PTPRD: variants seen among roughly 807,000 people sequenced by gnomAD.
PTPRD encodes protein tyrosine phosphatase receptor type D.
A neutral mutation model predicts 214.5 loss-of-function variants in PTPRD; 34 were observed. The ratio of observed to expected loss-of-function variants is 0.16; its 90% confidence interval spans 0.12 to 0.21. The LOEUF (loss-of-function observed/expected upper bound fraction) is 0.21. PTPRD is among the 10% of genes least tolerant of loss of function. The pLI, the probability that PTPRD is intolerant of heterozygous loss-of-function variation, is 1.00. For missense variants in PTPRD, 2,545 were observed against 2,398.7 expected (o/e 1.06, Z -1.27); for synonymous variants, 1,128 against 845.7 (o/e 1.33, Z -5.79).
chr9:8,969,006 C>T (rs765140765), intron 11 of PTPRD, among the ~76,000 whole-genome samples: 16 of 151,664 alleles, frequency 1.1e-4, no homozygotes, highest in South Asian at 2.1e-4. Context: ...TAAGCAAGTC[C>T]GATTAATTAA....
chr9:10,509,344 T>C (rs1258686180), intron 2 of PTPRD, among the ~76,000 whole-genome samples: 2 of 151,648 alleles, frequency 1.3e-5, no homozygotes. Context: ...TCATATTTGA[T>C]TCATAGATAT....
At chr9:8,604,702 G>A (rs1488861342) in intron 14 of PTPRD, among the ~76,000 whole-genome samples, 1 of 152,150 alleles carries the variant, frequency 6.6e-6, no homozygotes, top group Non-Finnish European at 1.5e-5. Flanking sequence ...CATTTCTGAA[G>A]TAATCAATTA....
At chr9:10,153,262 G>T (rs1592563301) in intron 3 of PTPRD, among the ~76,000 whole-genome samples, 1 of 151,676 alleles carries the variant, frequency 6.6e-6, no homozygotes, top group African/African-American at 2.4e-5. Context: ...ATATCACATT[G>T]TACCCCATAA....
At chr9:9,292,969 C>G (rs1434188167) in intron 9 of PTPRD, among the ~76,000 whole-genome samples, 2 of 151,444 alleles carry the variant, frequency 1.3e-5, no homozygotes, top group African/African-American at 2.4e-5. Flanking sequence ...TGATTTTCAT[C>G]TTGATTACCT....
rs571458092 is a variant in PTPRD at position 8,900,079 on chromosome 9, T to C, written c.-104+118618A>G. 2.6e-5 allele frequency among the ~76,000 whole-genome samples: 4 copies of C among 152,306 alleles called. No individual in the cohort carries two copies. The South Asian group carries it at 6.2e-4, about 24-fold the overall frequency. On this transcript the variant is annotated intron_variant, in intron 11 of 45. Transcript: ENST00000381196. ...AAAACTGCATTGTCAAGCTGAGTAA[T>C]GGACTATTCTATTCAACGACTGTTG... is the stretch of plus-strand genomic sequence containing the variant.
At chr9:9,175,864 A>C (rs1019686778) in intron 10 of PTPRD, among the ~76,000 whole-genome samples, 9 of 152,064 alleles carry the variant, frequency 5.9e-5, no homozygotes, top group Non-Finnish European at 1.3e-4. Context: ...TCATATTATA[A>C]ATGCGGAGCC....
At chr9:9,543,440 A>T (rs1445221811) in intron 8 of PTPRD, among the ~76,000 whole-genome samples, 4 of 151,702 alleles carry the variant, frequency 2.6e-5, no homozygotes, top group Non-Finnish European at 5.9e-5. Flanking sequence ...CATTATATCA[A>T]TATCATGTAT....
chr9:9,417,066 G>C (rs933435043), intron 8 of PTPRD, among the ~76,000 whole-genome samples: 1 of 152,024 alleles, frequency 6.6e-6, no homozygotes, highest in Non-Finnish European at 1.5e-5. Flanking sequence ...CCCCTTCCAA[G>C]CATAATCTTC....
At chr9:10,329,661 T>C (rs1254748011) in intron 3 of PTPRD, among the ~76,000 whole-genome samples, 1 of 151,856 alleles carries the variant, frequency 6.6e-6, no homozygotes, top group East Asian at 1.9e-4. Flanking sequence ...ACTTTTCTTA[T>C]ATAAAGGTTG....
At chr9:9,615,309 C>T (rs560054194) in intron 7 of PTPRD, among the ~76,000 whole-genome samples, 5 of 152,174 alleles carry the variant, frequency 3.3e-5, no homozygotes, top group Non-Finnish European at 7.3e-5. Flanking sequence ...TTGCACTTCA[C>T]ACCGGCCACC....
At chr9:9,254,641 C>A (rs1317102073) in intron 9 of PTPRD, among the ~76,000 whole-genome samples, 2 of 152,028 alleles carry the variant, frequency 1.3e-5, no homozygotes, top group African/African-American at 4.8e-5. Flanking sequence ...GTTGGTTCCT[C>A]TAACTTTCAT....
intron 11 of PTPRD, among the ~76,000 whole-genome samples, chr9:8,811,397 G>T (rs2096799856): frequency 6.6e-6 from 1 of 152,118 alleles, no homozygotes; most frequent in Non-Finnish European, 1.5e-5. Context: ...CTGGGTTAAG[G>T]TAGGAGTACA....
intron 12 of PTPRD, among the ~76,000 whole-genome samples, chr9:8,697,955 G>A (rs1430306293): frequency 6.6e-6 from 1 of 152,148 alleles, no homozygotes; most frequent in Non-Finnish European, 1.5e-5. Flanking sequence ...AATTACAAGT[G>A]TCCATGGGAG....
At chr9:8,438,112 C>T (rs2095421851) in intron 34 of PTPRD, among the ~76,000 whole-genome samples, 1 of 152,114 alleles carries the variant, frequency 6.6e-6, no homozygotes, top group South Asian at 2.1e-4. Flanking sequence ...CACTGTGGCT[C>T]TTTGGAGGAA....
At chr9:10,578,827 T>C (rs1448480770) in intron 2 of PTPRD, among the ~76,000 whole-genome samples, 1 of 152,312 alleles carries the variant, frequency 6.6e-6, no homozygotes, top group South Asian at 2.1e-4. Context: ...AACAATCCCG[T>C]CATCCAGGTG....
intron 8 of PTPRD, among the ~76,000 whole-genome samples, chr9:9,511,552 T>G (rs1206321463): frequency 2.0e-5 from 3 of 151,714 alleles, no homozygotes; most frequent in Non-Finnish European, 3.0e-5. Flanking sequence ...AAGGAAGGAT[T>G]TTTATGAAAA....
chr9:9,314,364 G>C (rs1369416854), intron 9 of PTPRD, among the ~76,000 whole-genome samples: 5 of 152,118 alleles, frequency 3.3e-5, no homozygotes, highest in African/African-American at 7.2e-5. Flanking sequence ...TAATGAGGTA[G>C]TATATAAAAA....
At chr9:9,658,540 T>TG (rs2096564307) in intron 7 of PTPRD, among the ~76,000 whole-genome samples, 1 of 152,152 alleles carries the variant, frequency 6.6e-6, no homozygotes, top group Non-Finnish European at 1.5e-5. Flanking sequence ...AGTTCATACT[T>TG]GGGAAGCAGC....
chr9:8,436,439 CTT>C (rs1455260555), intron 35 of PTPRD, among the ~76,000 whole-genome samples, 151 bp downstream of exon 35: 1 of 152,148 alleles, frequency 6.6e-6, no homozygotes, highest in Non-Finnish European at 1.5e-5. Flanking sequence ...TGTGCAGACA[CTT>C]TTAAGTTGAC....
Sources: allele counts gnomAD v4.1 joint callset (sites outside exome capture counted in the v4.1 genomes callset), GRCh38; gene constraint gnomAD v4.1.1; transcripts MANE v1.5; gene names NCBI Gene and HGNC (gene_info 2026-07-23, HGNC 2026-07-21).